The following SORCS3 variants were observed in gnomAD, a reference collection of about 807,000 sequenced individuals.
SORCS3 encodes the protein VPS10 domain-containing receptor SorCS3.
Under a neutral mutation model 146.3 loss-of-function variants are expected in SORCS3, and 57 were observed. That is an observed-to-expected ratio of 0.39 (90% CI 0.31 to 0.49). SORCS3 has a LOEUF of 0.49. Ranked by LOEUF, SORCS3 falls within the 20% of genes least tolerant of loss-of-function variation. The probability of loss-of-function intolerance (pLI) is 0.92; values close to 1 mark genes in which losing one functional copy is unlikely to be tolerated. For synonymous variants in SORCS3, 653 were observed against 618.5 expected, an observed-to-expected ratio of 1.06 and a Z score of -0.83; for missense variants, 1,341 against 1,575.5, an observed-to-expected ratio of 0.85 and a Z score of 2.52.
intron 2 of SORCS3, among the ~76,000 whole-genome samples, chr10:104,852,445 T>C (rs1228976487): frequency 6.6e-6 from 1 of 152,240 alleles, no homozygotes; most frequent in African/African-American, 2.4e-5. Flanking sequence ...TAAGTGATTT[T>C]CAATTCACGT....
At chr10:104,651,598 C>G (rs1043304472) in intron 1 of SORCS3, among the ~76,000 whole-genome samples, 3 of 149,778 alleles carry the variant, frequency 2.0e-5, no homozygotes, top group African/African-American at 7.4e-5. Context: ...CCCAGCTACA[C>G]GGGAGGCTGA....
chr10:104,770,083 G>A (rs1250796983), intron 1 of SORCS3, among the ~76,000 whole-genome samples: 3 of 152,154 alleles, frequency 2.0e-5, no homozygotes, highest in Non-Finnish European at 2.9e-5. Flanking sequence ...CTATTAAAAA[G>A]TTAGATTCCT....
At position 104,641,602 on chromosome 10, in the gene SORCS3, A is replaced by G; in HGVS notation, c.275A>G (p.Gln92Arg). The G allele has an allele frequency of 6.6e-7, 1 of 1,516,876 alleles. No homozygotes were observed. Among genetic ancestry groups the G allele is most frequent in the Non-Finnish European group, 8.8e-7 (1 of 1,139,572 alleles). 94.0% of individuals were successfully genotyped at this position (1,516,876 alleles called of 1,614,324 possible). A position where few individuals can be genotyped will look rare whatever the true frequency, so the allele number is the denominator to read the frequency against. The change falls in exon 1 of 27, where the codon CAG (glutamine) becomes CGG (arginine). Residue 92 changes from glutamine (Q) to arginine (R), a missense_variant. Physicochemically the swap from Gln to Arg is conservative, Grantham distance 43. Coordinates refer to ENST00000369701, the MANE Select transcript of SORCS3 (RefSeq NM_014978.3). This position sits in a 1 kb window ranked among gnomAD's most constrained non-coding sequence, Gnocchi z 6.4. ...GRRAGPELLPQQGGGRGGEMQ... is the reference protein window; with the variant it reads ...GRRAGPELLPRQGGGRGGEMQ... ...CGGGCCGGACCAGAGCTGCTGCCCCAGCAGGGCGGCGGCAGAGGCGGTGAG... is the reference window on the plus strand; with the variant it reads ...CGGGCCGGACCAGAGCTGCTGCCCCGGCAGGGCGGCGGCAGAGGCGGTGAG...
chr10:104,897,733 G>C (rs923665932), intron 2 of SORCS3, among the ~76,000 whole-genome samples: 2 of 152,184 alleles, frequency 1.3e-5, no homozygotes, highest in Admixed American at 6.5e-5. Context: ...TGTGAGTGCA[G>C]AATATAGTCT....
At chr10:105,243,577 C>G (rs908340000) in intron 20 of SORCS3, among the ~76,000 whole-genome samples, 1 of 152,176 alleles carries the variant, frequency 6.6e-6, no homozygotes, top group African/African-American at 2.4e-5. Context: ...TTCAGAAGGT[C>G]ACACCCATGT....
chr10:105,244,783 G>A (rs2056855852), intron 20 of SORCS3, among the ~76,000 whole-genome samples: 2 of 152,186 alleles, frequency 1.3e-5, no homozygotes, highest in Middle Eastern at 3.4e-3. Context: ...GAAAGGCAAT[G>A]TGCGGCCGGG....
At chr10:104,698,093 T>G (rs917320790) in intron 1 of SORCS3, among the ~76,000 whole-genome samples, 1 of 152,230 alleles carries the variant, frequency 6.6e-6, no homozygotes, top group African/African-American at 2.4e-5. Flanking sequence ...AACAACTCTT[T>G]CTAGGAAGTC....
Position 104,977,370 on chromosome 10 carries a change from C to A in SORCS3, c.831C>A (p.Ser277Arg). ...MLLSDPEMES[S>R]ILISSDEGAT... ...TCAGTGATCCTGAGATGGAGAGCAG[C>A]ATATTGATCAGCTCAGACGAAGGGG... Residue 277 changes from serine (S) to arginine (R), a missense_variant, in exon 4 of 27, where the codon AGC becomes AGA. Ser to Arg is a moderately radical substitution (Grantham distance 110). Transcript: ENST00000369701. The A allele has an allele frequency of 6.2e-7, 1 of 1,613,448 alleles. No homozygotes were observed. The highest frequency in any genetic ancestry group is 1.1e-5 in the South Asian group (1 of 90,998).
intron 14 of SORCS3, among the ~76,000 whole-genome samples, chr10:105,183,520 A>C (rs1400159987): frequency 3.3e-5 from 5 of 152,152 alleles, no homozygotes. Context: ...GCATCCGATA[A>C]AGTCGTTGAA....
intron 16 of SORCS3, among the ~76,000 whole-genome samples, chr10:105,206,131 G>A (rs1376292211): frequency 3.3e-5 from 5 of 152,232 alleles, no homozygotes; most frequent in Middle Eastern, 3.4e-3. Context: ...ATGTGTTTCC[G>A]CAGTGGACAA....
intron 5 of SORCS3, among the ~76,000 whole-genome samples, chr10:105,060,773 A>G (rs2055480452): frequency 3.3e-5 from 5 of 152,090 alleles, no homozygotes; most frequent in Admixed American, 2.6e-4. Context: ...CCCCGTCTCT[A>G]TTAAAAATAT....
At chr10:104,856,597 TATAA>T (rs1259887829) in intron 2 of SORCS3, among the ~76,000 whole-genome samples, 1 of 33,004 alleles carries the variant, frequency 3.0e-5, no homozygotes. Flanking sequence ...AATATATACA[TATAA>T]ATGTATTTAT....
At chr10:105,015,727 CT>C (rs764110271) in intron 4 of SORCS3, among the ~76,000 whole-genome samples, 1 of 151,914 alleles carries the variant, frequency 6.6e-6, no homozygotes, top group Non-Finnish European at 1.5e-5. Flanking sequence ...GGTTCTACTT[CT>C]TTTTTTCTTT....
At chr10:104,863,040 A>G (rs773086392) in intron 2 of SORCS3, among the ~76,000 whole-genome samples, 10 of 152,348 alleles carry the variant, frequency 6.6e-5, no homozygotes, top group South Asian at 4.1e-4. Context: ...AATCCTCCCC[A>G]AGTAGGTACG....
At chr10:104,743,658 G>T (rs1197189461) in intron 1 of SORCS3, among the ~76,000 whole-genome samples, 1 of 152,032 alleles carries the variant, frequency 6.6e-6, no homozygotes, top group Non-Finnish European at 1.5e-5. Context: ...TCTATTAGTG[G>T]GTGTTACTGA....
chr10:105,243,175 A>G (rs977890734), intron 20 of SORCS3, among the ~76,000 whole-genome samples: 3 of 150,408 alleles, frequency 2.0e-5, no homozygotes, highest in African/African-American at 7.4e-5. Context: ...TTTGTGTCAG[A>G]TAAGACCTGA....
intron 22 of SORCS3, among the ~76,000 whole-genome samples, chr10:105,252,193 A>C (rs1202310692): frequency 3.9e-5 from 6 of 152,160 alleles, no homozygotes; most frequent in Non-Finnish European, 1.5e-5. Flanking sequence ...GGGTATGAAT[A>C]TTTTTATGGC....
intron 4 of SORCS3, among the ~76,000 whole-genome samples, chr10:105,030,773 A>G (rs1281640342): frequency 1.3e-5 from 2 of 151,732 alleles, no homozygotes; most frequent in Non-Finnish European, 2.9e-5. Context: ...TTGTATTTTT[A>G]GTAGAGTTGA....
chr10:104,749,226 G>GGTGTGTGTGT (rs60550253), intron 1 of SORCS3, among the ~76,000 whole-genome samples: 5 of 140,900 alleles, frequency 3.5e-5, no homozygotes, highest in East Asian at 4.2e-4. Context: ...CAAAGTATAG[G>GGTGTGTGTGT]GTGTGTGTGT....
Sources: gnomAD v4.1 joint callset for allele counts (sites outside exome capture counted in the v4.1 genomes callset) on GRCh38, gnomAD v4.1.1 for gene constraint, Gnocchi (gnomAD v3.1) non-coding constraint, MANE v1.5 for transcripts, NCBI Gene and HGNC (gene_info 2026-07-23, HGNC 2026-07-21) for gene names.